The following MYO5B variants were observed in gnomAD, a reference collection of about 807,000 sequenced individuals.
MYO5B encodes myosin VB, also known as unconventional myosin-Vb.
Under a neutral mutation model 229.3 loss-of-function variants are expected in MYO5B, and 143 were observed. The observed-to-expected ratio is 0.62, with a 90% CI of 0.54 to 0.72. The LOEUF (loss-of-function observed/expected upper bound fraction) is 0.72, where lower values mean the gene tolerates loss of function less well. MYO5B is among the 30% of genes least tolerant of loss of function. The pLI, the probability that MYO5B is intolerant of heterozygous loss-of-function variation, is 0.00. For missense variants in MYO5B, 2,321 were observed against 2,331.0 expected, an observed-to-expected ratio of 1.00 and a Z score of 0.09; for synonymous variants, 918 against 885.2, an observed-to-expected ratio of 1.04 and a Z score of -0.66.
At chr18:50,162,500 C>A (rs76029866) in intron 1 of MYO5B, among the ~76,000 whole-genome samples, 1 of 152,156 alleles carries the variant, frequency 6.6e-6, no homozygotes, top group African/African-American at 2.4e-5. Flanking sequence ...CTTCAAAGAG[C>A]GTATTTTCCA....
intron 1 of MYO5B, among the ~76,000 whole-genome samples, chr18:50,071,946 A>G (rs2030966190): frequency 6.6e-6 from 1 of 152,222 alleles, no homozygotes; most frequent in South Asian, 2.1e-4. Context: ...GCTGACTTCT[A>G]CAATGTGCTG....
chr18:50,172,057 T>C (rs1298221082), intron 1 of MYO5B, among the ~76,000 whole-genome samples: 1 of 152,024 alleles, frequency 6.6e-6, no homozygotes, highest in African/African-American at 2.4e-5. Flanking sequence ...TCATGTTCAT[T>C]AGGGCAGAAC....
chr18:50,028,670 G>T (rs998976136), intron 4 of MYO5B, among the ~76,000 whole-genome samples: 2 of 152,208 alleles, frequency 1.3e-5, no homozygotes, highest in Admixed American at 6.5e-5. Context: ...CTGTTAAAAT[G>T]TAACTCATTT....
chr18:49,831,499 A>G (rs1568600658), intron 39 of MYO5B, among the ~76,000 whole-genome samples: 2 of 152,342 alleles, frequency 1.3e-5, no homozygotes, highest in Non-Finnish European at 2.9e-5. Context: ...TACATGGCCA[A>G]TAGGCACACG....
intron 4 of MYO5B, among the ~76,000 whole-genome samples, chr18:50,002,891 G>A (rs927190674): frequency 1.3e-5 from 2 of 152,148 alleles, no homozygotes; most frequent in South Asian, 2.1e-4. Context: ...GGCAGAGTGG[G>A]TTAGAAAAGA....
chr18:49,858,652 G>T (rs533154042), intron 29 of MYO5B, among the ~76,000 whole-genome samples: 1 of 152,360 alleles, frequency 6.6e-6, no homozygotes, highest in South Asian at 2.1e-4. Flanking sequence ...AGGAAGTTAG[G>T]ATTAATGAAT....
At chr18:50,100,236 G>A (rs2031629656) in intron 1 of MYO5B, among the ~76,000 whole-genome samples, 1 of 152,238 alleles carries the variant, frequency 6.6e-6, no homozygotes, top group African/African-American at 2.4e-5. Context: ...CTTTGTCATG[G>A]TTAAAGTATT....
chr18:49,893,260 C>A (rs1337850500), intron 22 of MYO5B, among the ~76,000 whole-genome samples: 1 of 152,164 alleles, frequency 6.6e-6, no homozygotes, highest in Non-Finnish European at 1.5e-5. Flanking sequence ...TTGCAGATGT[C>A]TCATCTGACT....
intron 21 of MYO5B, among the ~76,000 whole-genome samples, chr18:49,898,519 G>A (rs191355089): frequency 6.6e-5 from 10 of 152,196 alleles, no homozygotes; most frequent in Admixed American, 6.5e-4. Flanking sequence ...ACTGAATGAC[G>A]TCATACCACA....
intron 2 of MYO5B, among the ~76,000 whole-genome samples, chr18:50,042,409 T>C (rs1233757412): frequency 1.3e-5 from 2 of 152,262 alleles, no homozygotes; most frequent in Admixed American, 6.5e-5. Context: ...TGGTTATCTT[T>C]GTTAGTGGGA....
chr18:50,045,498 A>T (rs2030198778), intron 2 of MYO5B, among the ~76,000 whole-genome samples: 1 of 152,108 alleles, frequency 6.6e-6, no homozygotes, highest in Non-Finnish European at 1.5e-5. Context: ...AGCTCAAGTG[A>T]TCCTCCTGCC....
intron 1 of MYO5B, among the ~76,000 whole-genome samples, chr18:50,116,999 T>C (rs1356753920): frequency 6.6e-6 from 1 of 152,220 alleles, no homozygotes; most frequent in East Asian, 1.9e-4. Flanking sequence ...ACATAAGTAC[T>C]ATTAAGTACG....
At chr18:50,047,917 C>T (rs2030279817) in intron 2 of MYO5B, among the ~76,000 whole-genome samples, 1 of 125,356 alleles carries the variant, frequency 8.0e-6, no homozygotes, top group Non-Finnish European at 1.5e-5. Context: ...GGAAGGGGAA[C>T]ATCACACGCC....
intron 1 of MYO5B, among the ~76,000 whole-genome samples, chr18:50,159,493 A>G (rs577122184): frequency 6.6e-6 from 1 of 152,212 alleles, no homozygotes; most frequent in Admixed American, 6.5e-5. Context: ...AGTGACATTC[A>G]GTCACCCACG....
chr18:50,067,994 C>T (rs1212556207), intron 1 of MYO5B, among the ~76,000 whole-genome samples: 2 of 145,598 alleles, frequency 1.4e-5, no homozygotes, highest in Admixed American at 1.3e-4. Context: ...AACACATATA[C>T]ATACATACAT....
intron 13 of MYO5B, among the ~76,000 whole-genome samples, chr18:49,954,020 TTATATGTG>T (rs1194240316): frequency 7.7e-5 from 3 of 38,716 alleles, no homozygotes; most frequent in African/African-American, 1.2e-4. Context: ...GTGTATGTAT[TTATATGTG>T]TGTGTGTGTG....
intron 22 of MYO5B, among the ~76,000 whole-genome samples, chr18:49,888,970 A>G (rs2024677996): frequency 6.6e-6 from 1 of 152,126 alleles, no homozygotes; most frequent in Non-Finnish European, 1.5e-5. Flanking sequence ...CTCAGCCTGG[A>G]CCAGAGTCCT....
chr18:50,012,971 C>G (rs990985442), intron 4 of MYO5B, among the ~76,000 whole-genome samples: 3 of 152,230 alleles, frequency 2.0e-5, no homozygotes, highest in Non-Finnish European at 4.4e-5. Context: ...GCAGATAATT[C>G]ATGTAACTGT....
chr18:50,004,832 G>A lies in MYO5B; in HGVS notation c.456-3421C>T, dbSNP rs376886595. 4.9e-4 allele frequency among the ~76,000 whole-genome samples: 74 copies of A among 152,326 alleles called. 2 individuals carry two copies. In the South Asian group the frequency reaches 9.1e-3, roughly 19 times the overall value. On this transcript the variant is annotated intron_variant, in intron 4 of 39. Coordinates refer to ENST00000285039, the MANE Select transcript of MYO5B (RefSeq NM_001080467.3). Reference sequence around the variant, plus strand: ...TCTGTAACAGCCTACAAAGTGCAGCGTGCAGCAGCTCTCCCACTGTGTTCT... The same window carrying A: ...TCTGTAACAGCCTACAAAGTGCAGCATGCAGCAGCTCTCCCACTGTGTTCT...
Sources: allele counts gnomAD v4.1 joint callset (sites outside exome capture counted in the v4.1 genomes callset), GRCh38; gene constraint gnomAD v4.1.1; transcripts MANE v1.5; gene names NCBI Gene and HGNC (gene_info 2026-07-23, HGNC 2026-07-21).